Variants in EML1 observed in about 807,000 individuals in gnomAD.
EML1 encodes the protein echinoderm microtubule-associated protein-like 1.
In EML1, 27 loss-of-function variants were observed where a neutral mutation model predicts 110.4. The observed-to-expected ratio is 0.24, with a 90% CI of 0.18 to 0.34. The LOEUF (loss-of-function observed/expected upper bound fraction) is 0.34. Ranked by LOEUF, EML1 falls within the 10% of genes least tolerant of loss-of-function variation. EML1 has a pLI of 1.00. For missense variants in EML1, 741 were observed against 1,030.9 expected, an observed-to-expected ratio of 0.72 and a Z score of 3.85; for synonymous variants, 344 against 385.8, an observed-to-expected ratio of 0.89 and a Z score of 1.27.
chr14:99,812,855 A>G (rs2058104987), intron 1 of EML1, among the ~76,000 whole-genome samples: 1 of 152,238 alleles, frequency 6.6e-6, no homozygotes. Context: ...ACGTGGTTTT[A>G]AAAGCAAGTA....
At chr14:99,820,953 G>T (rs1011459234) in intron 1 of EML1, among the ~76,000 whole-genome samples, 3 of 151,702 alleles carry the variant, frequency 2.0e-5, no homozygotes, top group African/African-American at 7.3e-5. Context: ...GCCCCCAATT[G>T]CATTTGAAGG....
rs200052726 is a variant in EML1, at chr14:99,939,215, C to T, written c.2210C>T (p.Ser737Leu). 7 of 1,614,124 alleles carry T rather than the reference C, an allele frequency of 4.3e-6. No individual in the cohort carries two copies. The East Asian group carries it at 6.7e-5, about 15-fold the overall frequency. The change falls in exon 21 of 22, where the codon TCG becomes TTG. Residue 737 changes from serine (S) to leucine (L), a missense_variant. By Grantham distance (145) the Ser-to-Leu change is moderately radical. This residue lies in a region of EML1 where 114 missense variants were observed against 122.5 expected (regional missense o/e 0.93). Transcript: ENST00000262233. The surrounding 1 kb of genome is among the most constrained non-coding windows in gnomAD (Gnocchi z 4.2). ...FHVFGVWPEG[S>L]DGTDINAVCR... ...GTTTTAGGAGTGTGGCCAGAAGGCTCGGACGGAACCGACATCAATGCCGTC... is the reference window on the plus strand; with the variant it reads ...GTTTTAGGAGTGTGGCCAGAAGGCTTGGACGGAACCGACATCAATGCCGTC...
chr14:99,775,135 A>C (rs2057468167), intron 1 of EML1, among the ~76,000 whole-genome samples: 1 of 152,258 alleles, frequency 6.6e-6, no homozygotes, highest in Admixed American at 6.5e-5. Context: ...GCATCACAGC[A>C]TCACAGCCTT....
intron 5 of EML1, chr14:99,892,083 G>A (rs1425750540): frequency 1.0e-6 from 1 of 961,844 alleles, no homozygotes; most frequent in African/African-American, 1.8e-5. Context: ...AGGGCTCCGG[G>A]CTCCGGGGCA....
intron 2 of EML1, among the ~76,000 whole-genome samples, chr14:99,856,856 A>G (rs573094197): frequency 3.9e-4 from 59 of 152,248 alleles, no homozygotes; most frequent in Non-Finnish European, 6.6e-4. Context: ...GTCAGTTTTC[A>G]TTATGACCCT....
upstream of EML1, chr14:99,793,325 G>T: frequency 1.0e-6 from 1 of 980,748 alleles, no homozygotes; most frequent in Non-Finnish European, 1.2e-6. Flanking sequence ...GCGGCGGCGG[G>T]CCCGGGGTTG....
At chr14:99,757,409 T>C (rs1271695316) in intron 1 of EML1, among the ~76,000 whole-genome samples, 1 of 151,436 alleles carries the variant, frequency 6.6e-6, no homozygotes, top group Non-Finnish European at 1.5e-5. Flanking sequence ...ACAGCACAGG[T>C]TGTGTGGCAA....
chr14:99,825,353 A>T (rs2058334648), intron 1 of EML1, among the ~76,000 whole-genome samples: 1 of 152,196 alleles, frequency 6.6e-6, no homozygotes, highest in Admixed American at 6.5e-5. Context: ...TGCTGTTGTG[A>T]ATAGTGCTGT....
At chr14:99,871,259 G>A (rs1159123581) in intron 3 of EML1, among the ~76,000 whole-genome samples, 2 of 152,154 alleles carry the variant, frequency 1.3e-5, no homozygotes, top group Non-Finnish European at 2.9e-5. Flanking sequence ...ACCTGGCAAG[G>A]CATTTGCTGC....
chr14:99,751,618 G>A (rs1321551738), intron 1 of EML1, among the ~76,000 whole-genome samples: 1 of 152,130 alleles, frequency 6.6e-6, no homozygotes, highest in Non-Finnish European at 1.5e-5. Context: ...GCTATGGAGA[G>A]AGGCCTGGAT....
intron 1 of EML1, among the ~76,000 whole-genome samples, chr14:99,747,053 A>G (rs2057117551): frequency 6.6e-6 from 1 of 151,780 alleles, no homozygotes; most frequent in South Asian, 2.1e-4. Flanking sequence ...AACAACCACC[A>G]CCCGGGCACC....
At chr14:99,783,027 T>C (rs556941865) in intron 1 of EML1, among the ~76,000 whole-genome samples, 14 of 152,170 alleles carry the variant, frequency 9.2e-5, no homozygotes, top group South Asian at 6.2e-4. Flanking sequence ...AGTTCTAGGG[T>C]ACATGTGCAC....
rs749083976 is a variant in EML1 at position 99,894,656 on chromosome 14, G to A, written c.575G>A (p.Arg192His). ...GAAGGCTATGTAAAAATGTTTCTTC[G>A]TGGACGCCCTGTTACCATGTACATG... ...AEEGYVKMFL[R>H]GRPVTMYMPK... is the part of the protein sequence containing the mutation. The change falls in exon 6 of 22, where the codon CGT (arginine) becomes CAT (histidine). Residue 192 changes from arginine to histidine, a missense_variant. Physicochemically the swap from Arg to His is conservative, Grantham distance 29. Around this residue, in one of 4 missense-constraint regions of EML1, gnomAD observed 226 missense variants for 255.6 expected, o/e 0.88. Coordinates refer to ENST00000262233, the MANE Select transcript of EML1 (RefSeq NM_004434.3). 1.7e-5 allele frequency: 27 copies of A among 1,612,140 alleles called. No individual in the cohort carries two copies. In the Admixed American group the frequency reaches 2.3e-4, roughly 14 times the overall value.
At chr14:99,785,248 T>A (rs1386484489) in intron 1 of EML1, among the ~76,000 whole-genome samples, 1 of 152,042 alleles carries the variant, frequency 6.6e-6, no homozygotes, top group Non-Finnish European at 1.5e-5. Flanking sequence ...AGAGATGGGG[T>A]TTCACCATGT....
rs2057541749 is a variant in EML1 at position 99,781,711 on chromosome 14, AC to A, written c.-27+7699del. On this transcript the variant is annotated intron_variant, in intron 1 of 22. Coordinates refer to the EML1 transcript ENST00000327921. The surrounding 1 kb of genome is among the most constrained non-coding windows in gnomAD (Gnocchi z 4.2). ...CCTGTTAGTATGGGGTCCCAGGTTC[AC>A]TGCAATGGGGCCAGATGCCTTCAGT... 6.6e-6 allele frequency among the ~76,000 whole-genome samples: 1 copy of A among 152,138 alleles called. No individual in the cohort carries two copies. Among genetic ancestry groups the A allele is most frequent in the African/African-American group, 2.4e-5 (1 of 41,432 alleles).
intron 3 of EML1, among the ~76,000 whole-genome samples, chr14:99,878,131 A>G (rs1045436844): frequency 1.5e-4 from 21 of 144,566 alleles, no homozygotes; most frequent in African/African-American, 3.0e-4. Flanking sequence ...TCTTCTTCCA[A>G]TGTGGCCCAG....
chr14:99,757,355 G>T (rs78281208), intron 1 of EML1, among the ~76,000 whole-genome samples: 1 of 149,282 alleles, frequency 6.7e-6, no homozygotes, highest in Non-Finnish European at 1.5e-5. Flanking sequence ...AAAAAAAAAA[G>T]AATTGTTAAA....
chr14:99,906,152 G>A (rs1207375924), intron 9 of EML1, among the ~76,000 whole-genome samples: 1 of 152,144 alleles, frequency 6.6e-6, no homozygotes, highest in Non-Finnish European at 1.5e-5. Flanking sequence ...CAGCGTTTGG[G>A]TTGGGGGTTT....
intron 9 of EML1, among the ~76,000 whole-genome samples, chr14:99,902,432 A>T (rs1001210975): frequency 1.3e-4 from 20 of 152,358 alleles, no homozygotes; most frequent in African/African-American, 4.8e-4. Flanking sequence ...TAGTTTAAAT[A>T]GCAGAAAAAA....
Sources: gnomAD v4.1 joint callset for allele counts (sites outside exome capture counted in the v4.1 genomes callset) on GRCh38, gnomAD v4.1.1 for gene constraint, gnomAD v4.1.1 regional missense constraint, Gnocchi (gnomAD v3.1) non-coding constraint, MANE v1.5 for transcripts, NCBI Gene and HGNC (gene_info 2026-07-23, HGNC 2026-07-21) for gene names.